ZZEF1: variants seen among roughly 807,000 people sequenced by gnomAD.
ZZEF1 encodes zinc finger ZZ-type and EF-hand domain containing 1, also known as zinc finger ZZ-type and EF-hand domain-containing protein 1.
In ZZEF1, 157 loss-of-function variants were observed where a neutral mutation model predicts 342.8. The ratio of observed to expected loss-of-function variants is 0.46; its 90% CI spans 0.40 to 0.52. ZZEF1 has a LOEUF of 0.52. Among genes scored for constraint, ZZEF1 ranks in the 20% least tolerant of loss-of-function variants. The pLI is 0.00. For missense variants in ZZEF1, 3,480 were observed against 3,725.6 expected (o/e 0.93, Z 1.72); for synonymous variants, 1,505 against 1,429.1 (o/e 1.05, Z -1.20).
chr17:4,076,556 A>G, intron 21 of ZZEF1, 81 bp downstream of exon 21: 1 of 1,529,530 alleles, frequency 6.5e-7, no homozygotes, highest in Admixed American at 1.8e-5. Flanking sequence ...GCCTATCTGC[A>G]GTCCGTGGTC....
chr17:4,029,572 G>A (rs1166815239), intron 42 of ZZEF1, among the ~76,000 whole-genome samples: 1 of 152,016 alleles, frequency 6.6e-6, no homozygotes, highest in Non-Finnish European at 1.5e-5. Context: ...CTATTGCCAA[G>A]GAAGAAAGGT....
chr17:4,131,899 A>G lies in ZZEF1; in HGVS notation c.355-7848T>C, dbSNP rs1016302424. Among the ~76,000 whole-genome samples, 21 of 152,198 alleles carry G rather than the reference A, an allele frequency of 1.4e-4. 1 individual carries two copies. The highest frequency in any genetic ancestry group is 1.4e-3 in the Admixed American group (21 of 15,268). ...ACAAAATGGACAGAATTGTAGCGGG[A>G]GGACAGGGGACGTGCATGCATGGGC... On this transcript the variant is annotated intron_variant, in intron 1 of 54. Transcript: ENST00000381638.
chr17:4,102,588 T>C (rs181118396), intron 8 of ZZEF1, among the ~76,000 whole-genome samples, 173 bp from the exon 9 acceptor site: 141 of 152,306 alleles, frequency 9.3e-4, no homozygotes, highest in African/African-American at 3.2e-3. Flanking sequence ...CACCATCCCT[T>C]TGTACTTTCC....
chr17:4,048,857 G>T (rs1490410424), intron 37 of ZZEF1, among the ~76,000 whole-genome samples: 2 of 150,222 alleles, frequency 1.3e-5, no homozygotes, highest in East Asian at 2.0e-4. Context: ...ACAGGCACGT[G>T]ACACCAGCCT....
intron 53 of ZZEF1, 151 bp downstream of exon 53, chr17:4,009,453 A>G: frequency 9.4e-7 from 1 of 1,067,290 alleles, no homozygotes; most frequent in South Asian, 1.4e-5. Context: ...GAGAGGCGAG[A>G]GCCTCAGACT....
At chr17:4,035,479 G>C (rs1014755525) in intron 39 of ZZEF1, among the ~76,000 whole-genome samples, 10 of 152,138 alleles carry the variant, frequency 6.6e-5, no homozygotes, top group African/African-American at 1.9e-4. Context: ...ACCCAAGCAG[G>C]GTATGGAATT....
At chr17:4,130,413 C>T (rs2058645120) in intron 1 of ZZEF1, among the ~76,000 whole-genome samples, 1 of 151,960 alleles carries the variant, frequency 6.6e-6, no homozygotes, top group African/African-American at 2.4e-5. Flanking sequence ...AGATCTCACC[C>T]TTGCACTCCA....
chr17:4,137,924 C>T (rs2058779065), intron 1 of ZZEF1, among the ~76,000 whole-genome samples: 1 of 152,210 alleles, frequency 6.6e-6, no homozygotes, highest in Admixed American at 6.5e-5. Context: ...TCTTCAAGAA[C>T]TGATAGCAAG....
At position 4,105,671 on chromosome 17, in the gene ZZEF1, C is replaced by T. The variant is rs1368240064; in HGVS notation, c.1394+22G>A. On this transcript the variant is annotated intron_variant, in intron 7 of 54. Transcript: ENST00000381638. ...TGCACTCCATTCCTCACAGAGTTTACCCTCATCAGCCTTGATTTTACCTAG... is the reference window on the plus strand; with the variant it reads ...TGCACTCCATTCCTCACAGAGTTTATCCTCATCAGCCTTGATTTTACCTAG... 2.6e-6 allele frequency: 4 copies of T among 1,550,282 alleles called. No homozygotes were observed. The South Asian group carries it at 4.5e-5, about 17-fold the overall frequency.
Position 4,017,050 on chromosome 17 carries a change from C to T in ZZEF1, c.8001+321G>A, listed in dbSNP as rs533836504. On this transcript the variant is annotated intron_variant, in intron 48 of 54. Coordinates refer to ENST00000381638, the MANE Select transcript of ZZEF1 (RefSeq NM_015113.4). This position sits in a 1 kb window ranked among gnomAD's most constrained non-coding sequence, Gnocchi z 5.1. ...GCCAAATGAACTTCCTCATGGACTG[C>T]GTGTGTGTGTGTGAAGGTGGGTGAG... is the stretch of plus-strand genomic sequence containing the variant. The T allele has an allele frequency of 1.7e-4, 54 of 309,806 alleles. No individual in the cohort carries two copies. The highest frequency in any genetic ancestry group is 9.4e-4 in the African/African-American group (44 of 46,946). 19.2% of individuals were successfully genotyped at this position (309,806 alleles called of 1,614,324 possible). A position where few individuals can be genotyped will look rare whatever the true frequency, so the allele number is the denominator to read the frequency against.
At chr17:4,132,538 AAT>A (rs1476696393) in intron 1 of ZZEF1, among the ~76,000 whole-genome samples, 97 of 150,314 alleles carry the variant, frequency 6.5e-4, no homozygotes, top group South Asian at 1.3e-3. Context: ...CTCTACTAAA[AAT>A]ACAAAAAATT....
At chr17:4,035,613 C>T (rs952201905) in intron 39 of ZZEF1, among the ~76,000 whole-genome samples, 3 of 152,200 alleles carry the variant, frequency 2.0e-5, no homozygotes, top group Non-Finnish European at 4.4e-5. Flanking sequence ...AGGGCAAAAA[C>T]GCAGAAGAGC....
chr17:4,088,637 T>A (rs751670562), intron 13 of ZZEF1, 41 bp downstream of exon 13: 1 of 1,601,618 alleles, frequency 6.2e-7, no homozygotes, highest in Non-Finnish European at 8.5e-7. Context: ...GTCATTCACT[T>A]TTCCTAAAGG....
chr17:4,110,710 T>A (rs1015871587), intron 5 of ZZEF1, among the ~76,000 whole-genome samples: 2 of 110,302 alleles, frequency 1.8e-5, no homozygotes, highest in African/African-American at 6.3e-5. Context: ...AAATTACGGC[T>A]TTTTTTTTTT....
At chr17:4,132,946 A>G (rs1293384494) in intron 1 of ZZEF1, among the ~76,000 whole-genome samples, 1 of 151,658 alleles carries the variant, frequency 6.6e-6, no homozygotes, top group Non-Finnish European at 1.5e-5. Context: ...AGCCTGGGCG[A>G]CAGAGCGAGA....
In ZZEF1 at chr17:4,017,157, G is replaced by C; in HGVS notation, c.8001+214C>G. 1 of 598,566 alleles carries C rather than the reference G, an allele frequency of 1.7e-6. No homozygotes were observed. The highest frequency in any genetic ancestry group is 3.0e-5 in the East Asian group (1 of 33,066). The allele number at this position is 598,566 out of a possible 1,614,324, so 37.1% of individuals were successfully genotyped here. On this transcript the variant is annotated intron_variant, in intron 48 of 54. Coordinates refer to ENST00000381638, the MANE Select transcript of ZZEF1 (RefSeq NM_015113.4). This position sits in a 1 kb window ranked among gnomAD's most constrained non-coding sequence, Gnocchi z 5.1. The stretch of plus-strand genomic sequence containing the variant: ...TGGGAAGATGGCGACAAAGCTTTCT[G>C]GTTCAGCTGGAAATCGCGCTCAGGG...
At chr17:4,058,226 T>C in intron 31 of ZZEF1, 71 bp from the exon 32 acceptor site, 5 of 1,484,698 alleles carry the variant, frequency 3.4e-6, no homozygotes, top group East Asian at 2.5e-5. Context: ...GCAATTCAAG[T>C]AGGTGACCTG....
intron 6 of ZZEF1, among the ~76,000 whole-genome samples, chr17:4,108,475 G>C (rs1435322012): frequency 6.6e-6 from 1 of 152,222 alleles, no homozygotes; most frequent in Non-Finnish European, 1.5e-5. Context: ...AAACTAAAGA[G>C]AAAGGACAAA....
chr17:4,117,174 G>A lies in ZZEF1; in HGVS notation c.500-8C>T. On this transcript the variant is annotated splice_polypyrimidine_tract_variant and splice_region_variant and intron_variant, in intron 2 of 54. Coordinates refer to ENST00000381638, the MANE Select transcript of ZZEF1 (RefSeq NM_015113.4). ...AAAATATGTCTGTGAAACCTAAACAGATGAAATCCATTTTTGGTGTTTTGG... is the reference window on the plus strand; with the variant it reads ...AAAATATGTCTGTGAAACCTAAACAAATGAAATCCATTTTTGGTGTTTTGG... 2 of 1,599,326 alleles carry A rather than the reference G, an allele frequency of 1.3e-6. No homozygotes were observed. Among genetic ancestry groups the A allele is most frequent in the South Asian group, 1.1e-5 (1 of 90,022 alleles).
Sources: allele counts gnomAD v4.1 joint callset (sites outside exome capture counted in the v4.1 genomes callset), GRCh38; gene constraint gnomAD v4.1.1; non-coding constraint Gnocchi (gnomAD v3.1); transcripts MANE v1.5; gene names NCBI Gene and HGNC (gene_info 2026-07-23, HGNC 2026-07-21).